STK32B: variants seen among roughly 807,000 people sequenced by gnomAD.
STK32B encodes serine/threonine kinase 32B, also known as serine/threonine-protein kinase 32B.
A neutral mutation model predicts 52.6 loss-of-function variants in STK32B; 43 were observed. That is an observed-to-expected ratio of 0.82 (90% CI 0.64 to 1.05). The LOEUF is 1.05. Among genes scored for constraint, STK32B ranks in the 50% least tolerant of loss-of-function variants. STK32B has a pLI of 0.00. For synonymous variants in STK32B, 238 were observed against 204.3 expected (o/e 1.17, Z -1.41); for missense variants, 621 against 534.6 (o/e 1.16, Z -1.59).
chr4:5,431,062 A>G lies in STK32B; in HGVS notation c.562+14128A>G, dbSNP rs139854989. 1.8e-4 allele frequency among the ~76,000 whole-genome samples: 28 copies of G among 152,310 alleles called. 1 individual carries two copies. The highest frequency in any genetic ancestry group is 1.2e-3 in the Admixed American group (18 of 15,304). On this transcript the variant is annotated intron_variant, in intron 6 of 11. Coordinates refer to ENST00000282908, the MANE Select transcript of STK32B (RefSeq NM_018401.3). ...TCTTGGGGATCTTAGGGGTGATCCTATCTTTCTCCCAGCAATAGGAAACCA... is the reference window on the plus strand; with the variant it reads ...TCTTGGGGATCTTAGGGGTGATCCTGTCTTTCTCCCAGCAATAGGAAACCA...
intron 6 of STK32B, among the ~76,000 whole-genome samples, chr4:5,442,939 C>G (rs1245085978): frequency 6.6e-6 from 1 of 151,982 alleles, no homozygotes; most frequent in Non-Finnish European, 1.5e-5. Context: ...GGCCCCCACT[C>G]TCTTCTGGCT....
At chr4:5,047,924 T>G (rs1342125364), upstream of STK32B, among the ~76,000 whole-genome samples, 1 of 152,120 alleles carries the variant, frequency 6.6e-6, no homozygotes, top group Admixed American at 6.6e-5. Context: ...CTCAATCCAG[T>G]AAGTGTCTTT....
chr4:5,259,278 G>A (rs1038984501), intron 3 of STK32B, among the ~76,000 whole-genome samples: 1 of 152,198 alleles, frequency 6.6e-6, no homozygotes, highest in African/African-American at 2.4e-5. Context: ...GAATTCTTAT[G>A]TCTGTTTCTT....
intron 3 of STK32B, among the ~76,000 whole-genome samples, chr4:5,268,532 TG>T (rs1727195465): frequency 7.1e-6 from 1 of 140,036 alleles, no homozygotes; most frequent in African/African-American, 2.7e-5. Flanking sequence ...TGAAGTTGCT[TG>T]GTGTGGTGTG....
Position 5,051,687 on chromosome 4 carries a change from C to T in STK32B, c.-177C>T. ...CTGCGAGCGCAGTCGGAAGGGCGTC[C>T]AGGAGAAGGGGGACGCCGTCCCCGC... On this transcript the variant is annotated 5_prime_UTR_variant, in exon 1 of 12. Coordinates refer to ENST00000282908, the MANE Select transcript of STK32B (RefSeq NM_018401.3). 2 of 716,372 alleles carry T rather than the reference C, an allele frequency of 2.8e-6. No individual in the cohort carries two copies. Among genetic ancestry groups the T allele is most frequent in the East Asian group, 3.4e-5 (1 of 29,724 alleles). 44.4% of individuals were successfully genotyped at this position (716,372 alleles called of 1,614,324 possible). A position where few individuals can be genotyped will look rare whatever the true frequency, so the allele number is the denominator to read the frequency against.
upstream of STK32B, among the ~76,000 whole-genome samples, chr4:5,048,092 C>T (rs1040510151): frequency 6.6e-6 from 1 of 151,778 alleles, no homozygotes; most frequent in African/African-American, 2.4e-5. Flanking sequence ...TGACTTCTGG[C>T]CTCCAGAATG....
At chr4:5,350,621 G>A (rs1012269999) in intron 4 of STK32B, among the ~76,000 whole-genome samples, 1 of 152,000 alleles carries the variant, frequency 6.6e-6, no homozygotes, top group Non-Finnish European at 1.5e-5. Flanking sequence ...TAAATGACAG[G>A]AATATACCCT....
intron 3 of STK32B, among the ~76,000 whole-genome samples, chr4:5,311,529 C>A (rs1243139836): frequency 6.6e-6 from 1 of 151,990 alleles, no homozygotes. Context: ...GAAAGTTGAT[C>A]AAGCTCTAGC....
intron 1 of STK32B, among the ~76,000 whole-genome samples, chr4:5,102,000 T>G (rs1205870228): frequency 6.6e-6 from 1 of 152,212 alleles, no homozygotes; most frequent in African/African-American, 2.4e-5. Context: ...GTTCGTGTCC[T>G]CTTCTGTTCT....
In STK32B at chr4:5,432,484, A is replaced by T. The variant is rs141634743; in HGVS notation, c.563-14189A>T. The T allele has an allele frequency of 3.3e-5, 5 of 152,344 alleles. No individual in the cohort carries two copies. In the East Asian group the frequency reaches 9.6e-4, roughly 29 times the overall value. 9.4% of individuals were successfully genotyped at this position (152,344 alleles called of 1,614,324 possible). A position where few individuals can be genotyped will look rare whatever the true frequency, so the allele number is the denominator to read the frequency against. ...CAAGAGAGAGGGTAAGATGGGAAAC[A>T]GGAATAGCAAGGAACTTGATGAACA... On this transcript the variant is annotated intron_variant, in intron 6 of 11. Transcript: ENST00000282908.
chr4:5,285,251 A>G (rs1728472845), intron 3 of STK32B, among the ~76,000 whole-genome samples: 1 of 152,150 alleles, frequency 6.6e-6, no homozygotes, highest in South Asian at 2.1e-4. Flanking sequence ...GTCAAAAATT[A>G]TACATAGATT....
At chr4:5,340,644 G>A (rs1025023270) in intron 4 of STK32B, among the ~76,000 whole-genome samples, 1 of 152,156 alleles carries the variant, frequency 6.6e-6, no homozygotes, top group Non-Finnish European at 1.5e-5. Flanking sequence ...CCTTGGCTAG[G>A]TATCCAGAGT....
chr4:5,102,588 G>A lies in STK32B; in HGVS notation c.53-37317G>A, dbSNP rs1200177848. Among the ~76,000 whole-genome samples, 7 of 149,674 alleles carry A rather than the reference G, an allele frequency of 4.7e-5. No homozygotes were observed. In the East Asian group the frequency reaches 1.4e-3, roughly 30 times the overall value. On this transcript the variant is annotated intron_variant, in intron 1 of 11. Coordinates refer to ENST00000282908, the MANE Select transcript of STK32B (RefSeq NM_018401.3). ...CCTCTTTCCCAGGCTGGAGTATGCA[G>A]TGGTGTGATCATGGCTCACTGCAAC... is the stretch of plus-strand genomic sequence containing the variant.
chr4:5,139,579 G>C (rs907017374), intron 1 of STK32B: 2 of 303,020 alleles, frequency 6.6e-6, no homozygotes, highest in African/African-American at 4.2e-5. Flanking sequence ...TGGCAAGGCC[G>C]TACATTGTTG....
intron 3 of STK32B, among the ~76,000 whole-genome samples, chr4:5,244,391 T>C (rs1190136686): frequency 6.6e-6 from 1 of 152,196 alleles, no homozygotes; most frequent in African/African-American, 2.4e-5. Flanking sequence ...TCTCTGATGG[T>C]AGTTTGTATT....
intron 2 of STK32B, among the ~76,000 whole-genome samples, chr4:5,167,251 G>C (rs1718949099): frequency 6.6e-6 from 1 of 152,124 alleles, no homozygotes. Context: ...TCATGGATTT[G>C]AACCCCCACC....
chr4:5,112,282 G>A (rs1013920527), intron 1 of STK32B, among the ~76,000 whole-genome samples: 11 of 152,176 alleles, frequency 7.2e-5, no homozygotes, highest in African/African-American at 1.4e-4. Context: ...TCAATAGAAT[G>A]TAGATCTATA....
intron 3 of STK32B, among the ~76,000 whole-genome samples, chr4:5,315,234 A>G (rs1307591297): frequency 7.9e-6 from 1 of 126,572 alleles, no homozygotes. Context: ...TTCCTTCTCC[A>G]TTAGTGAAAT....
intron 3 of STK32B, among the ~76,000 whole-genome samples, chr4:5,173,757 G>A (rs376642055): frequency 6.6e-6 from 1 of 152,208 alleles, no homozygotes; most frequent in Non-Finnish European, 1.5e-5. Flanking sequence ...GTGTGGTGTG[G>A]TGCTGAAAAG....
Sources: allele counts gnomAD v4.1 joint callset (sites outside exome capture counted in the v4.1 genomes callset), GRCh38; gene constraint gnomAD v4.1.1; transcripts MANE v1.5; gene names NCBI Gene and HGNC (gene_info 2026-07-23, HGNC 2026-07-21).